The following GEN1 variants were observed in gnomAD, a reference collection of about 807,000 sequenced individuals.
The protein encoded by GEN1 is flap endonuclease GEN homolog 1.
A neutral mutation model predicts 67.6 loss-of-function variants in GEN1; 64 were observed. That is an observed-to-expected ratio of 0.95 (90% confidence interval 0.77 to 1.17). The LOEUF (loss-of-function observed/expected upper bound fraction) is 1.17. Ranked by LOEUF, GEN1 falls within the 50% of genes most tolerant of loss-of-function variation. The pLI, the probability that GEN1 is intolerant of heterozygous loss-of-function variation, is 0.00. For synonymous variants in GEN1, 371 were observed against 359.4 expected, an observed-to-expected ratio of 1.03 and a Z score of -0.37; for missense variants, 1,058 against 1,048.3, an observed-to-expected ratio of 1.01 and a Z score of -0.13.
At chr2:17,767,305 G>A (rs1233253641) in intron 5 of GEN1, among the ~76,000 whole-genome samples, 2 of 151,984 alleles carry the variant, frequency 1.3e-5, no homozygotes, top group Non-Finnish European at 2.9e-5. Context: ...GAAAATGACT[G>A]GTATTGTAGG....
At chr2:17,762,432 C>T (rs1671731360) in intron 3 of GEN1, among the ~76,000 whole-genome samples, 2 of 151,896 alleles carry the variant, frequency 1.3e-5, no homozygotes, top group African/African-American at 2.4e-5. Context: ...TGGTCTCGAT[C>T]TCCTGACTTC....
In GEN1 at chr2:17,781,494, CAG is replaced by C. The variant is rs1362138315; in HGVS notation, c.2283_2284del (p.Val762GlyfsTer7). 6.2e-7 allele frequency: 1 copy of C among 1,613,464 alleles called. No homozygotes were observed. The highest frequency in any genetic ancestry group is 1.3e-5 in the African/African-American group (1 of 74,916). ...TCTGTCCCTTATTCTGTCAGTAACA[CAG>C]TGGTAAAGACCTGCAATGTTAGACC... On this transcript the variant is annotated frameshift_variant, in exon 14 of 14. Coordinates refer to ENST00000381254, the MANE Select transcript of GEN1 (RefSeq NM_001130009.3). LOFTEE classifies it low-confidence loss of function (END_TRUNC).
intron 1 of GEN1, among the ~76,000 whole-genome samples, chr2:17,757,262 T>TTTTG (rs1553326035): frequency 1.3e-5 from 2 of 151,756 alleles, no homozygotes; most frequent in Non-Finnish European, 2.9e-5. Flanking sequence ...TTTTTTTTTT[T>TTTTG]TAGGCATGGC....
At chr2:17,756,512 A>T (rs1671441046) in intron 1 of GEN1, among the ~76,000 whole-genome samples, 1 of 152,182 alleles carries the variant, frequency 6.6e-6, no homozygotes, top group African/African-American at 2.4e-5. Flanking sequence ...ACACCAAAAA[A>T]ATTTAAAATT....
At position 17,781,488 on chromosome 2, in the gene GEN1, G is replaced by T. The variant is rs1672832751; in HGVS notation, c.2276G>T (p.Ser759Ile). Residue 759 changes from serine to isoleucine, a missense_variant, in exon 14 of 14, where the codon AGT becomes ATT. By Grantham distance (142) the Ser-to-Ile change is moderately radical (BLOSUM62 -2). Transcript: ENST00000381254. ...AATACTTCTGTCCCTTATTCTGTCAGTAACACAGTGGTAAAGACCTGCAAT... is the reference window on the plus strand; with the variant it reads ...AATACTTCTGTCCCTTATTCTGTCATTAACACAGTGGTAAAGACCTGCAAT... The part of the protein sequence containing the change: ...KVNTSVPYSV[S>I]NTVVKTCNVR... The T allele has an allele frequency of 3.7e-6, 6 of 1,613,464 alleles. No homozygotes were observed. The highest frequency in any genetic ancestry group is 4.2e-6 in the Non-Finnish European group (5 of 1,179,944).
At chr2:17,778,204 G>GTATACACACACA in intron 12 of GEN1, 141 bp downstream of exon 12, 1 of 432,740 alleles carries the variant, frequency 2.3e-6, no homozygotes, top group Non-Finnish European at 4.2e-6. Context: ...ACACATATAT[G>GTATACACACACA]TGTATATATA....
rs1293219099 is a variant in GEN1, at chr2:17,781,760, A to G, written c.2548A>G (p.Thr850Ala). 1.2e-6 allele frequency: 2 copies of G among 1,613,212 alleles called. No homozygotes were observed. The highest frequency in any genetic ancestry group is 1.7e-6 in the Non-Finnish European group (2 of 1,179,722). ...LSSPKIHIKE[T>A]EQCVRSYETA... ...TAGCCCTAAGATACATATTAAAGAA[A>G]CTGAACAGTGTGTCAGATCTTATGA... The change falls in exon 14 of 14, where the codon ACT becomes GCT. Residue 850 changes from threonine to alanine, a missense_variant. Physicochemically the swap from Thr to Ala is moderately conservative, Grantham distance 58. Transcript: ENST00000381254.
At chr2:17,777,375 T>TTG (rs1271288604) in intron 11 of GEN1, among the ~76,000 whole-genome samples, 8 of 152,154 alleles carry the variant, frequency 5.3e-5, no homozygotes, top group Admixed American at 2.0e-4. Flanking sequence ...TTCAAACACT[T>TTG]AAGAGTACCT....
intron 6 of GEN1, among the ~76,000 whole-genome samples, chr2:17,770,324 G>A (rs985277119): frequency 6.6e-6 from 1 of 151,998 alleles, no homozygotes. Flanking sequence ...TTTTTGCCGT[G>A]CTATTCTTTA....
chr2:17,781,368 T>A lies in GEN1; in HGVS notation c.2156T>A (p.Leu719His). ...ANSGSDCTSHLSKDLPGIPLQ... is the reference protein window; with the variant it reads ...ANSGSDCTSHHSKDLPGIPLQ... ...AGTGGTTCTGATTGTACATCACATCTTTCAAAGGATCTTCCAGGAATTCCC... is the reference window on the plus strand; with the variant it reads ...AGTGGTTCTGATTGTACATCACATCATTCAAAGGATCTTCCAGGAATTCCC... Residue 719 changes from leucine to histidine, a missense_variant, in exon 14 of 14, where the codon CTT (leucine) becomes CAT (histidine). Physicochemically the swap from Leu to His is moderately conservative, Grantham distance 99. Transcript: ENST00000381254. 2 of 1,613,940 alleles carry A rather than the reference T, an allele frequency of 1.2e-6. No individual in the cohort carries two copies. Among genetic ancestry groups the A allele is most frequent in the Non-Finnish European group, 1.7e-6 (2 of 1,179,922 alleles).
At position 17,754,187 on chromosome 2, in the gene GEN1, G is replaced by T. The variant is rs1473422275; in HGVS notation, c.-174G>T. The T allele has an allele frequency of 6.6e-6, 1 of 152,146 alleles. No individual in the cohort carries two copies. The highest frequency in any genetic ancestry group is 2.4e-5 in the African/African-American group (1 of 41,416). The allele number at this position is 152,146 out of a possible 1,614,324, so 9.4% of individuals were successfully genotyped here. On this transcript the variant is annotated 5_prime_UTR_variant, in exon 1 of 14. Coordinates refer to ENST00000381254, the MANE Select transcript of GEN1 (RefSeq NM_001130009.3). ...GCTCCTGGGCCTGGCGGTTGAGCCC[G>T]GGGAGCTAGTCTTTGCTTGGGTAAA...
intron 3 of GEN1, among the ~76,000 whole-genome samples, chr2:17,763,350 T>C (rs1228100207): frequency 6.6e-6 from 1 of 152,206 alleles, no homozygotes; most frequent in Non-Finnish European, 1.5e-5. Flanking sequence ...TCTTAGAGTG[T>C]TAAAGAACCA....
intron 11 of GEN1, among the ~76,000 whole-genome samples, chr2:17,777,678 TAA>T (rs1269438113): frequency 2.0e-5 from 3 of 151,900 alleles, no homozygotes; most frequent in African/African-American, 7.2e-5. Flanking sequence ...AGTTTGAAAA[TAA>T]AGAGATTTAA....
intron 7 of GEN1, among the ~76,000 whole-genome samples, chr2:17,772,356 A>G (rs529668990): frequency 2.0e-5 from 3 of 152,136 alleles, no homozygotes; most frequent in Admixed American, 2.0e-4. Context: ...ATTATTGTAA[A>G]TGTATAATTT....
Position 17,780,043 on chromosome 2 carries a change from T to C in GEN1, c.1330T>C (p.Leu444=), listed in dbSNP as rs2125174866. The stretch of plus-strand genomic sequence containing the variant: ...TTTATTAACAATTGAGGAAGAATCA[T>C]TGTTTGAAGCAGCATATCCTGAGAT... ...FALLTIEEES[L]FEAAYPEIVA... is the part of the protein sequence containing the mutation. The change falls in exon 13 of 14, where the codon TTG becomes CTG. Residue 444 remains leucine, a synonymous_variant. Transcript: ENST00000381254. 1 of 1,606,938 alleles carries C rather than the reference T, an allele frequency of 6.2e-7. No individual in the cohort carries two copies. Among genetic ancestry groups the C allele is most frequent in the Non-Finnish European group, 8.5e-7 (1 of 1,173,608 alleles).
At chr2:17,779,635 C>T (rs1672729475) in intron 12 of GEN1, among the ~76,000 whole-genome samples, 2 of 150,534 alleles carry the variant, frequency 1.3e-5, no homozygotes, top group African/African-American at 2.4e-5. Flanking sequence ...GAGTTTTGCT[C>T]TTGTTGCCCA....
chr2:17,762,880 A>G lies in GEN1; in HGVS notation c.348+1298A>G, dbSNP rs567092593. ...ATTTCTGCTAATGCAGATGTCAGAG[A>G]AGCAGTGTCGGTGCACTCACAAGAA... is the stretch of plus-strand genomic sequence containing the variant. On this transcript the variant is annotated intron_variant, in intron 3 of 13. Transcript: ENST00000381254. Among the ~76,000 whole-genome samples the G allele has an allele frequency of 1.7e-4, 26 of 152,344 alleles. No homozygotes were observed. The South Asian group carries it at 5.4e-3, about 32-fold the overall frequency.
At chr2:17,771,357 T>C in intron 7 of GEN1, 70 bp downstream of exon 7, 1 of 887,910 alleles carries the variant, frequency 1.1e-6, no homozygotes, top group Non-Finnish European at 1.9e-6. Context: ...CATAGTACTT[T>C]TTACATGCCA....
intron 1 of GEN1, chr2:17,755,549 C>T (rs975259612): frequency 6.6e-6 from 1 of 152,188 alleles, no homozygotes; most frequent in Admixed American, 6.5e-5. Flanking sequence ...GCATTAGTTA[C>T]TGAGATTATG....
Sources: gnomAD v4.1 joint callset for allele counts (sites outside exome capture counted in the v4.1 genomes callset) on GRCh38, gnomAD v4.1.1 for gene constraint, MANE v1.5 for transcripts, NCBI Gene and HGNC (gene_info 2026-07-23, HGNC 2026-07-21) for gene names.